Variants in FAM53B observed in about 807,000 individuals in gnomAD.
FAM53B encodes the protein protein FAM53B.
FAM53B carries 12 observed loss-of-function variants against 32.7 expected under a neutral mutation model. That is an observed-to-expected ratio of 0.37 (90% CI 0.24 to 0.59). The LOEUF is 0.59. Among genes scored for constraint, FAM53B ranks in the 20% least tolerant of loss-of-function variants. The pLI, the probability that FAM53B is intolerant of heterozygous loss-of-function variation, is 0.72. For missense variants in FAM53B, 477 were observed against 577.7 expected (o/e 0.83, Z 1.79); for synonymous variants, 234 against 228.7 (o/e 1.02, Z -0.21).
intron 4 of FAM53B, among the ~76,000 whole-genome samples, chr10:124,649,497 G>A (rs1949542020): frequency 6.6e-6 from 1 of 152,216 alleles, no homozygotes; most frequent in African/African-American, 2.4e-5. Context: ...GTCAGCAGCT[G>A]TTTCTCCCAA....
At chr10:124,623,760 G>GT in intron 4 of FAM53B, 156 bp from the exon 5 acceptor site, 1 of 743,870 alleles carries the variant, frequency 1.3e-6, no homozygotes, top group Non-Finnish European at 2.1e-6. Context: ...CATGAGCAAC[G>GT]TACTCATGAA....
At chr10:124,735,121 C>T (rs1950166084) in intron 1 of FAM53B, among the ~76,000 whole-genome samples, 1 of 152,182 alleles carries the variant, frequency 6.6e-6, no homozygotes, top group Non-Finnish European at 1.5e-5. Context: ...AGGCAGCTCC[C>T]CCAACGTGAG....
intron 4 of FAM53B, among the ~76,000 whole-genome samples, chr10:124,663,000 A>AC (rs1949644534): frequency 6.6e-6 from 1 of 152,228 alleles, no homozygotes. Context: ...ACAGGGTCTC[A>AC]CACAGAGCAG....
At chr10:124,743,853 G>A (rs1050128722) in intron 1 of FAM53B, among the ~76,000 whole-genome samples, 160 bp downstream of exon 1, 21 of 151,798 alleles carry the variant, frequency 1.4e-4, no homozygotes, top group African/African-American at 3.9e-4. Flanking sequence ...AGAAAAAAAG[G>A]AAACCAGCAA....
At chr10:124,679,842 C>T (rs183779155) in intron 4 of FAM53B, among the ~76,000 whole-genome samples, 1 of 152,268 alleles carries the variant, frequency 6.6e-6, no homozygotes, top group Admixed American at 6.5e-5. Context: ...TCTAACCAAA[C>T]GAGGTCAAGA....
At chr10:124,692,988 A>G in intron 3 of FAM53B, among the ~76,000 whole-genome samples, 1 of 152,184 alleles carries the variant, frequency 6.6e-6, no homozygotes, top group East Asian at 1.9e-4. Context: ...AACTGTCCCC[A>G]GCTCTCATGG....
intron 4 of FAM53B, among the ~76,000 whole-genome samples, chr10:124,650,037 T>C (rs1949546488): frequency 6.6e-6 from 1 of 152,194 alleles, no homozygotes; most frequent in Non-Finnish European, 1.5e-5. Flanking sequence ...TACTAGATAT[T>C]TCTAGCAGTA....
intron 4 of FAM53B, 123 bp downstream of exon 4, chr10:124,681,484 C>A (rs1164089464): frequency 6.1e-6 from 5 of 825,756 alleles, no homozygotes; most frequent in Admixed American, 3.0e-5. Context: ...TTTAAAAAAA[C>A]AAGGAAATTA....
At chr10:124,709,044 T>A (rs904660937) in intron 1 of FAM53B, among the ~76,000 whole-genome samples, 1 of 152,266 alleles carries the variant, frequency 6.6e-6, no homozygotes, top group Non-Finnish European at 1.5e-5. Context: ...GCCCAGTGTC[T>A]CGCTCATCCA....
At chr10:124,692,233 C>T (rs1190738788) in intron 3 of FAM53B, among the ~76,000 whole-genome samples, 6 of 152,106 alleles carry the variant, frequency 3.9e-5, no homozygotes, top group African/African-American at 1.2e-4. Flanking sequence ...CTCAGCTCTA[C>T]CCTATCTGCT....
intron 4 of FAM53B, among the ~76,000 whole-genome samples, chr10:124,643,237 A>G (rs1949488274): frequency 6.6e-6 from 1 of 152,276 alleles, no homozygotes; most frequent in Non-Finnish European, 1.5e-5. Context: ...GCTGAAAGCA[A>G]GAAAGCAACT....
chr10:124,671,050 G>A lies in FAM53B; in HGVS notation c.906+10557C>T, dbSNP rs1214798264. On this transcript the variant is annotated intron_variant, in intron 4 of 4. Coordinates refer to ENST00000337318, the MANE Select transcript of FAM53B (RefSeq NM_014661.4). ...GCCCCGCTGGAGAACGTTAGACAGC[G>A]CTTAACTGAAGGATGCTGAGCAGAG... 4.5e-5 allele frequency: 19 copies of A among 425,652 alleles called. No homozygotes were observed. In the East Asian group the frequency reaches 1.3e-3, roughly 28 times the overall value. 26.4% of individuals were successfully genotyped at this position (425,652 alleles called of 1,614,324 possible).
At chr10:124,652,543 TG>T (rs1382192451) in intron 4 of FAM53B, among the ~76,000 whole-genome samples, 1 of 152,184 alleles carries the variant, frequency 6.6e-6, no homozygotes, top group Non-Finnish European at 1.5e-5. Context: ...TTCCCTCCTC[TG>T]GCCTCAGTGG....
At chr10:124,679,042 A>C (rs552793796) in intron 4 of FAM53B, among the ~76,000 whole-genome samples, 20 of 152,260 alleles carry the variant, frequency 1.3e-4, no homozygotes, top group Admixed American at 3.3e-4. Flanking sequence ...CCCACACACG[A>C]AGGGCGCCTT....
intron 4 of FAM53B, among the ~76,000 whole-genome samples, chr10:124,654,191 G>A (rs575830804): frequency 3.9e-5 from 6 of 152,388 alleles, no homozygotes; most frequent in African/African-American, 1.4e-4. Flanking sequence ...AAAAATGCAT[G>A]TTGTGAATGA....
rs147232070 is a variant in FAM53B at position 124,671,695 on chromosome 10, C to T, written c.906+9912G>A. 5.0e-4 allele frequency among the ~76,000 whole-genome samples: 76 copies of T among 152,220 alleles called. No individual in the cohort carries two copies. The East Asian group carries it at 7.7e-3, about 15-fold the overall frequency. On this transcript the variant is annotated intron_variant, in intron 4 of 4. Coordinates refer to ENST00000337318, the MANE Select transcript of FAM53B (RefSeq NM_014661.4). ...TGGTGACACATTACTGATGTGAGCT[C>T]GCGTTACTGCTCACAAACTAAGCCT...
At chr10:124,702,999 T>C (rs901164823) in intron 2 of FAM53B, among the ~76,000 whole-genome samples, 3 of 152,148 alleles carry the variant, frequency 2.0e-5, no homozygotes, top group African/African-American at 7.2e-5. Context: ...CCTTCTGCCA[T>C]GACTGGAAGC....
rs371895196 is a variant in FAM53B, at chr10:124,682,281, G to C, written c.232C>G (p.Leu78Val). ...GCGGTCACTGCCTCCCGGTGCCATAGTGAGCTGTCCTTTTCAGGCAGGCAT... is the reference window on the plus strand; with the variant it reads ...GCGGTCACTGCCTCCCGGTGCCATACTGAGCTGTCCTTTTCAGGCAGGCAT... ...WECLPEKDSSLWHREAVTACA... is the reference protein window; with the variant it reads ...WECLPEKDSSVWHREAVTACA... Residue 78 changes from leucine (L) to valine (V), a missense_variant, in exon 4 of 5, where the codon CTA becomes GTA. By Grantham distance (32) the Leu-to-Val change is conservative. Transcript: ENST00000337318. The surrounding 1 kb of genome is among the most constrained non-coding windows in gnomAD (Gnocchi z 5.2). 1 of 1,613,922 alleles carries C rather than the reference G, an allele frequency of 6.2e-7. No individual in the cohort carries two copies. The highest frequency in any genetic ancestry group is 1.3e-5 in the African/African-American group (1 of 74,910).
intron 1 of FAM53B, among the ~76,000 whole-genome samples, chr10:124,729,149 C>G (rs1176024721): frequency 6.6e-6 from 1 of 152,202 alleles, no homozygotes; most frequent in Non-Finnish European, 1.5e-5. Context: ...GGTATTTGTG[C>G]CCGGGTTCTT....
Sources: allele counts gnomAD v4.1 joint callset (sites outside exome capture counted in the v4.1 genomes callset), GRCh38; gene constraint gnomAD v4.1.1; non-coding constraint Gnocchi (gnomAD v3.1); transcripts MANE v1.5; gene names NCBI Gene and HGNC (gene_info 2026-07-23, HGNC 2026-07-21).